UST: variants seen among roughly 807,000 people sequenced by gnomAD.
The protein encoded by UST is chondroitin sulfate 2-O-sulfotransferase.
In UST, 21 loss-of-function variants were observed where a neutral mutation model predicts 45.6. The observed-to-expected ratio is 0.46, with a 90% CI of 0.33 to 0.66. UST has a LOEUF of 0.66. UST is among the 30% of genes least tolerant of loss of function. The pLI, the probability that UST is intolerant of heterozygous loss-of-function variation, is 0.02. For missense variants in UST, 463 were observed against 512.4 expected, an observed-to-expected ratio of 0.90 and a Z score of 0.93; for synonymous variants, 215 against 200.6, an observed-to-expected ratio of 1.07 and a Z score of -0.61.
At chr6:148,786,959 TAATC>T (rs1206792717) in intron 1 of UST, among the ~76,000 whole-genome samples, 1 of 152,264 alleles carries the variant, frequency 6.6e-6, no homozygotes, top group Non-Finnish European at 1.5e-5. Flanking sequence ...ATTTCTCTAA[TAATC>T]AATGATGTTG....
At chr6:148,981,385 C>A (rs934472633) in intron 5 of UST, among the ~76,000 whole-genome samples, 4 of 152,346 alleles carry the variant, frequency 2.6e-5, no homozygotes, top group East Asian at 3.9e-4. Flanking sequence ...AAACCTTGTT[C>A]TTAACCACTA....
intron 2 of UST, among the ~76,000 whole-genome samples, chr6:148,915,998 G>A (rs1214485601): frequency 6.6e-6 from 1 of 152,218 alleles, no homozygotes; most frequent in Non-Finnish European, 1.5e-5. Context: ...AGCAACCAGA[G>A]CCAACAGACT....
chr6:148,920,452 T>C (rs1416969148), intron 2 of UST, among the ~76,000 whole-genome samples: 1 of 152,206 alleles, frequency 6.6e-6, no homozygotes, highest in Non-Finnish European at 1.5e-5. Flanking sequence ...GCCCTGAGGA[T>C]GGAGGGGTAG....
intron 1 of UST, among the ~76,000 whole-genome samples, chr6:148,879,613 G>T (rs990825302): frequency 2.0e-5 from 3 of 152,236 alleles, no homozygotes; most frequent in Admixed American, 2.0e-4. Context: ...GCTAAACCTT[G>T]AGTGAGAAGA....
chr6:149,018,222 C>T (rs546084575), intron 5 of UST, among the ~76,000 whole-genome samples: 1 of 152,244 alleles, frequency 6.6e-6, no homozygotes, highest in East Asian at 1.9e-4. Context: ...ACTAGCTAAA[C>T]ACCCACACCT....
At chr6:149,029,102 T>G (rs1776096509) in intron 7 of UST, among the ~76,000 whole-genome samples, 1 of 152,024 alleles carries the variant, frequency 6.6e-6, no homozygotes, top group Non-Finnish European at 1.5e-5. Context: ...ACATAACGCT[T>G]GAACACAGAT....
In UST at chr6:149,074,728, C is replaced by CGA. The variant is rs1165281124; in HGVS notation, c.*612_*613insGA. 1 of 152,332 alleles carries CGA rather than the reference C, an allele frequency of 6.6e-6. No homozygotes were observed. Among genetic ancestry groups the CGA allele is most frequent in the African/African-American group, 2.4e-5 (1 of 41,376 alleles). The allele number at this position is 152,332 out of a possible 1,614,324, so 9.4% of individuals were successfully genotyped here. A position where few individuals can be genotyped will look rare whatever the true frequency, so the allele number is the denominator to read the frequency against. ...CCAGCCTGGGTGACAGAGTGAGACTCTGTCTCAATTAATTTTTTTTTTTTA... is the reference window on the plus strand; with the variant it reads ...CCAGCCTGGGTGACAGAGTGAGACTCGATGTCTCAATTAATTTTTTTTTTTTA... On this transcript the variant is annotated 3_prime_UTR_variant, in exon 8 of 8. Transcript: ENST00000367463.
At chr6:148,791,329 G>T (rs1446043756) in intron 1 of UST, among the ~76,000 whole-genome samples, 3 of 152,212 alleles carry the variant, frequency 2.0e-5, no homozygotes, top group Admixed American at 6.5e-5. Flanking sequence ...TAGAGGAGAA[G>T]AATTCAATAT....
At chr6:148,753,168 C>T (rs1776022337) in intron 1 of UST, among the ~76,000 whole-genome samples, 1 of 152,044 alleles carries the variant, frequency 6.6e-6, no homozygotes, top group Non-Finnish European at 1.5e-5. Flanking sequence ...TATAATTCAC[C>T]CATTTAAAGT....
At chr6:148,951,083 T>C (rs1053510328) in intron 3 of UST, among the ~76,000 whole-genome samples, 1 of 152,186 alleles carries the variant, frequency 6.6e-6, no homozygotes, top group African/African-American at 2.4e-5. Context: ...TTGGACTTGG[T>C]CAGGCTTTAG....
At chr6:149,002,693 G>C (rs1314977042) in intron 5 of UST, among the ~76,000 whole-genome samples, 4 of 152,114 alleles carry the variant, frequency 2.6e-5, no homozygotes, top group African/African-American at 9.7e-5. Flanking sequence ...TTTTACTAGA[G>C]GTGGGGTTTC....
chr6:148,777,532 G>C (rs9498154), intron 1 of UST, among the ~76,000 whole-genome samples: 4,544 of 152,130 alleles, frequency 0.03, 96 homozygotes, highest in Non-Finnish European at 0.041. Flanking sequence ...TATTTTTACT[G>C]TACCTTTCCA....
intron 7 of UST, among the ~76,000 whole-genome samples, chr6:149,062,052 A>G (rs569176136): frequency 6.6e-6 from 1 of 152,372 alleles, no homozygotes; most frequent in South Asian, 2.1e-4. Context: ...CACCCAGCAC[A>G]AATTCATTAG....
chr6:148,753,654 G>T (rs1268025757), intron 1 of UST, among the ~76,000 whole-genome samples: 1 of 152,076 alleles, frequency 6.6e-6, no homozygotes, highest in East Asian at 1.9e-4. Context: ...GCAAGCTTTT[G>T]TTTCAACACC....
At chr6:148,756,099 A>G (rs1293039335) in intron 1 of UST, among the ~76,000 whole-genome samples, 1 of 148,348 alleles carries the variant, frequency 6.7e-6, no homozygotes, top group Non-Finnish European at 1.5e-5. Context: ...GAGTGAGAAC[A>G]TGCGGTGTTT....
At chr6:148,764,170 T>A (rs1776275190) in intron 1 of UST, among the ~76,000 whole-genome samples, 1 of 152,212 alleles carries the variant, frequency 6.6e-6, no homozygotes, top group Non-Finnish European at 1.5e-5. Context: ...ACAGTTTTTT[T>A]AATCAATGTT....
chr6:149,052,669 A>G (rs1227462573), intron 7 of UST, among the ~76,000 whole-genome samples: 1 of 152,210 alleles, frequency 6.6e-6, no homozygotes, highest in African/African-American at 2.4e-5. Context: ...GTAGCTAGAA[A>G]AGTAGGATTC....
At chr6:148,863,326 A>G (rs1778356507) in intron 1 of UST, among the ~76,000 whole-genome samples, 1 of 152,078 alleles carries the variant, frequency 6.6e-6, no homozygotes. Flanking sequence ...CGTAGTTCTC[A>G]TGCCATGGTT....
chr6:149,040,580 A>G (rs781398973), intron 7 of UST, among the ~76,000 whole-genome samples: 1 of 152,172 alleles, frequency 6.6e-6, no homozygotes, highest in Non-Finnish European at 1.5e-5. Context: ...ACTTGAACCC[A>G]GGAGGCGGAG....
Sources: gnomAD v4.1 joint callset for allele counts (sites outside exome capture counted in the v4.1 genomes callset) on GRCh38, gnomAD v4.1.1 for gene constraint, MANE v1.5 for transcripts, NCBI Gene and HGNC (gene_info 2026-07-23, HGNC 2026-07-21) for gene names.